The following FAXC variants were observed in gnomAD, a reference collection of about 807,000 sequenced individuals.
FAXC encodes failed axon connections homolog.
Under a neutral mutation model 41.9 loss-of-function variants are expected in FAXC, and 10 were observed. The ratio of observed to expected loss-of-function variants is 0.24; its 90% CI spans 0.15 to 0.41. FAXC has a LOEUF of 0.41. FAXC is among the 10% of genes least tolerant of loss of function. The pLI, the probability that FAXC is intolerant of heterozygous loss-of-function variation, is 1.00. For synonymous variants in FAXC, 183 were observed against 183.8 expected (o/e 1.00, Z 0.03); for missense variants, 399 against 510.9 (o/e 0.78, Z 2.11).
chr6:99,328,205 G>A (rs1772890070), intron 3 of FAXC, among the ~76,000 whole-genome samples: 2 of 152,134 alleles, frequency 1.3e-5, no homozygotes, highest in Non-Finnish European at 1.5e-5. Flanking sequence ...GCTATAGACT[G>A]AACGTTCATG....
intron 3 of FAXC, among the ~76,000 whole-genome samples, chr6:99,327,000 A>G (rs1394743550): frequency 6.6e-6 from 1 of 152,226 alleles, no homozygotes; most frequent in Non-Finnish European, 1.5e-5. Context: ...CTCTACCTGC[A>G]GCAGGCTGAA....
At chr6:99,287,547 G>A in intron 5 of FAXC, among the ~76,000 whole-genome samples, 1 of 152,150 alleles carries the variant, frequency 6.6e-6, no homozygotes, top group African/African-American at 2.4e-5. Context: ...TCCAGAAGTA[G>A]CTTGTGTGGC....
chr6:99,332,145 A>G (rs1245604026), intron 3 of FAXC, among the ~76,000 whole-genome samples: 1 of 152,188 alleles, frequency 6.6e-6, no homozygotes, highest in Non-Finnish European at 1.5e-5. Context: ...AAACTGGGCA[A>G]GAATCAAAAG....
At position 99,323,517 on chromosome 6, in the gene FAXC, G is replaced by C. The variant is rs1226108991; in HGVS notation, c.750C>G (p.Gly250=). ...TCTCTTCCTCGGAGAAGCGGCCAATGCCGTGGCCGTGCATCTCGCGTTTCA... is the reference window on the plus strand; with the variant it reads ...TCTCTTCCTCGGAGAAGCGGCCAATCCCGTGGCCGTGCATCTCGCGTTTCA... ...GIVKREMHGH[G]IGRFSEEEIY... is the part of the protein sequence containing the mutation. The change falls in exon 4 of 6, where the codon GGC becomes GGG. Residue 250 remains glycine (G), a synonymous_variant. Transcript: ENST00000389677. 6.2e-7 allele frequency: 1 copy of C among 1,614,240 alleles called. No individual in the cohort carries two copies. The highest frequency in any genetic ancestry group is 1.3e-5 in the African/African-American group (1 of 75,072).
chr6:99,326,393 C>T (rs533595947), intron 3 of FAXC, among the ~76,000 whole-genome samples: 1 of 152,142 alleles, frequency 6.6e-6, no homozygotes, highest in Admixed American at 6.5e-5. Context: ...TAAGGAGAAA[C>T]TAGGTATTTT....
At chr6:99,286,062 A>G (rs1771018386) in intron 5 of FAXC, among the ~76,000 whole-genome samples, 1 of 152,178 alleles carries the variant, frequency 6.6e-6, no homozygotes. Flanking sequence ...CTTGGAAAAC[A>G]TAGGCCAACA....
intron 4 of FAXC, among the ~76,000 whole-genome samples, chr6:99,306,360 A>C (rs1210517734): frequency 6.6e-6 from 1 of 152,208 alleles, no homozygotes; most frequent in Admixed American, 6.5e-5. Context: ...GACTTCTGGC[A>C]TCCAGATGGA....
At chr6:99,332,979 T>C (rs1389353708) in intron 3 of FAXC, among the ~76,000 whole-genome samples, 1 of 152,196 alleles carries the variant, frequency 6.6e-6, no homozygotes, top group Admixed American at 6.5e-5. Flanking sequence ...AAGGATATGG[T>C]ACATTAAATG....
At chr6:99,319,754 T>G (rs1772523313) in intron 4 of FAXC, among the ~76,000 whole-genome samples, 1 of 152,236 alleles carries the variant, frequency 6.6e-6, no homozygotes, top group Non-Finnish European at 1.5e-5. Flanking sequence ...TCATTTTATT[T>G]CTGTAGGTCC....
At chr6:99,346,393 A>AGGTACT (rs1036908891) in intron 1 of FAXC, among the ~76,000 whole-genome samples, 2 of 152,092 alleles carry the variant, frequency 1.3e-5, no homozygotes, top group Non-Finnish European at 2.9e-5. Flanking sequence ...ATTTCAAAGT[A>AGGTACT]GGTACTTTTT....
At chr6:99,303,262 G>A (rs966736910) in intron 4 of FAXC, among the ~76,000 whole-genome samples, 1 of 152,182 alleles carries the variant, frequency 6.6e-6, no homozygotes, top group African/African-American at 2.4e-5. Flanking sequence ...CACACCAGAT[G>A]ATGAACTCTA....
At chr6:99,282,335 A>G (rs1004519419) in intron 5 of FAXC, among the ~76,000 whole-genome samples, 1 of 152,166 alleles carries the variant, frequency 6.6e-6, no homozygotes, top group Non-Finnish European at 1.5e-5. Flanking sequence ...CAAGCAGCTG[A>G]AAAAAGTTAT....
At chr6:99,300,848 T>C (rs926178705) in intron 4 of FAXC, among the ~76,000 whole-genome samples, 4 of 152,226 alleles carry the variant, frequency 2.6e-5, no homozygotes, top group Non-Finnish European at 4.4e-5. Context: ...CAATGTCATG[T>C]TGAAATTTAA....
chr6:99,342,474 A>G (rs914713749), intron 2 of FAXC, among the ~76,000 whole-genome samples: 37 of 151,750 alleles, frequency 2.4e-4, no homozygotes, highest in Admixed American at 9.9e-4. Flanking sequence ...CCTCCCAGGT[A>G]GCTGGGATTA....
chr6:99,340,763 G>A (rs1271340899), intron 2 of FAXC, among the ~76,000 whole-genome samples: 2 of 147,938 alleles, frequency 1.4e-5, no homozygotes, highest in Admixed American at 6.8e-5. Flanking sequence ...CTGCCTCCCG[G>A]GTCCAAGTAC....
At chr6:99,298,317 C>T (rs994166072) in intron 4 of FAXC, among the ~76,000 whole-genome samples, 7 of 151,816 alleles carry the variant, frequency 4.6e-5, no homozygotes, top group Non-Finnish European at 7.4e-5. Flanking sequence ...GTGATCCTGC[C>T]GCCTTGTCCT....
chr6:99,293,536 T>G (rs1771329455), intron 4 of FAXC, among the ~76,000 whole-genome samples: 1 of 152,230 alleles, frequency 6.6e-6, no homozygotes, highest in African/African-American at 2.4e-5. Context: ...ATTTAATGCC[T>G]ATTAACCTTC....
rs571309349 is a variant in FAXC at position 99,328,172 on chromosome 6, T to C, written c.600-4505A>G. 9.5e-4 allele frequency among the ~76,000 whole-genome samples: 144 copies of C among 152,300 alleles called. 2 individuals are homozygous for C. The Middle Eastern group carries it at 0.01, about 11-fold the overall frequency. ...TCCCATGCACCCCATGCACAAGCCATACAGAATTACATGCACCTCCCTGCT... is the reference window on the plus strand; with the variant it reads ...TCCCATGCACCCCATGCACAAGCCACACAGAATTACATGCACCTCCCTGCT... On this transcript the variant is annotated intron_variant, in intron 3 of 5. Transcript: ENST00000389677.
Position 99,279,157 on chromosome 6 carries a change from A to G in FAXC, c.*2007T>C, listed in dbSNP as rs986129754. The G allele has an allele frequency of 2.0e-5, 3 of 152,164 alleles. No homozygotes were observed. The highest frequency in any genetic ancestry group is 4.4e-5 in the Non-Finnish European group (3 of 68,032). The allele number at this position is 152,164 out of a possible 1,614,324, so 9.4% of individuals were successfully genotyped here. A position where few individuals can be genotyped will look rare whatever the true frequency, so the allele number is the denominator to read the frequency against. ...ACACTTGCTAGAGAGAGGGGAGGCAAACAGTCCTCCCAAATGATGCTGCAG... is the reference window on the plus strand; with the variant it reads ...ACACTTGCTAGAGAGAGGGGAGGCAGACAGTCCTCCCAAATGATGCTGCAG... On this transcript the variant is annotated 3_prime_UTR_variant, in exon 6 of 6. Transcript: ENST00000389677.
Sources: allele counts gnomAD v4.1 joint callset (sites outside exome capture counted in the v4.1 genomes callset), GRCh38; gene constraint gnomAD v4.1.1; transcripts MANE v1.5; gene names NCBI Gene and HGNC (gene_info 2026-07-23, HGNC 2026-07-21).